Variants in ACAD9 observed in about 807,000 individuals in gnomAD.
ACAD9 encodes the protein complex I assembly factor ACAD9, mitochondrial.
In ACAD9, 53 loss-of-function variants were observed where a neutral mutation model predicts 70.2. The ratio of observed to expected loss-of-function variants is 0.75; its 90% CI spans 0.61 to 0.95. The LOEUF is 0.95. ACAD9 is among the 40% of genes least tolerant of loss of function. The pLI is 0.00. For synonymous variants in ACAD9, 313 were observed against 312.1 expected (o/e 1.00, Z -0.03); for missense variants, 777 against 802.8 (o/e 0.97, Z 0.39).
In ACAD9 at chr3:128,899,390, T is replaced by C; in HGVS notation, c.737T>C (p.Ile246Thr). 1.2e-6 allele frequency: 2 copies of C among 1,614,260 alleles called. No homozygotes were observed. Among genetic ancestry groups the C allele is most frequent in the Non-Finnish European group, 1.7e-6 (2 of 1,180,050 alleles). The change falls in exon 7 of 18, where the codon ATA (isoleucine) becomes ACA (threonine). Residue 246 changes from isoleucine to threonine, a missense_variant. By Grantham distance (89) the Ile-to-Thr change is moderately conservative (BLOSUM62 -1). Coordinates refer to ENST00000308982, the MANE Select transcript of ACAD9 (RefSeq NM_014049.5). ...GSVKDKITAF[I>T]VERDFGGVTN... is the part of the protein sequence containing the mutation. ...GTGAAAGACAAAATCACAGCATTCA[T>C]AGTAGAAAGAGACTTTGGTGGAGTC...
intron 1 of ACAD9, among the ~76,000 whole-genome samples, chr3:128,882,107 A>C (rs1576327636): frequency 1.9e-5 from 1 of 52,796 alleles, no homozygotes; most frequent in South Asian, 5.3e-4. Flanking sequence ...TTGAACTCCT[A>C]AGGCTCAATA....
intron 2 of ACAD9, among the ~76,000 whole-genome samples, chr3:128,886,435 G>A (rs1306171702): frequency 1.3e-5 from 2 of 151,404 alleles, no homozygotes; most frequent in African/African-American, 4.8e-5. Context: ...CAGGCCAGGC[G>A]CGGTGGCTCA....
At chr3:128,911,633 GGTTTCACCAT>G (rs1456324340) in intron 17 of ACAD9, among the ~76,000 whole-genome samples, 2 of 151,824 alleles carry the variant, frequency 1.3e-5, no homozygotes, top group African/African-American at 4.8e-5. Flanking sequence ...AAACAAACAG[GGTTTCACCAT>G]GTTGGCCAAG....
At position 128,908,324 on chromosome 3, in the gene ACAD9, C is replaced by T. The variant is rs939969662; in HGVS notation, c.1358+60C>T. The T allele has an allele frequency of 3.1e-6, 5 of 1,588,184 alleles. No individual in the cohort carries two copies. In the African/African-American group the frequency reaches 6.7e-5, roughly 21 times the overall value. On this transcript the variant is annotated intron_variant, in intron 13 of 17. Coordinates refer to ENST00000308982, the MANE Select transcript of ACAD9 (RefSeq NM_014049.5). ...CCATACCTGCCCAGCAGGGGCCAGTCCAGGGCAGTGGGAGGAAAGAGCTGC... is the reference window on the plus strand; with the variant it reads ...CCATACCTGCCCAGCAGGGGCCAGTTCAGGGCAGTGGGAGGAAAGAGCTGC...
At chr3:128,894,987 A>C (rs749560747) in intron 3 of ACAD9, among the ~76,000 whole-genome samples, 7 of 145,060 alleles carry the variant, frequency 4.8e-5, no homozygotes, top group Non-Finnish European at 8.9e-5. Context: ...AGTGATTCTC[A>C]TGCCTCAGCC....
intron 16 of ACAD9, 63 bp downstream of exon 16, chr3:128,910,212 G>GTA (rs1426617832): frequency 1.2e-5 from 19 of 1,610,738 alleles, no homozygotes; most frequent in Admixed American, 5.0e-5. Context: ...GCACTTTAAT[G>GTA]AAGTTGATTG....
chr3:128,910,367 T>A, intron 16 of ACAD9: 1 of 1,460,814 alleles, frequency 6.8e-7, no homozygotes, highest in Non-Finnish European at 9.0e-7. Flanking sequence ...CAGGGGTTCC[T>A]GATCCCAGTG....
At chr3:128,888,044 A>G (rs574058923) in intron 2 of ACAD9, among the ~76,000 whole-genome samples, 1 of 152,350 alleles carries the variant, frequency 6.6e-6, no homozygotes, top group East Asian at 1.9e-4. Context: ...CAAGAATAAA[A>G]GCACAAATAT....
At chr3:128,897,267 C>T (rs1173225721) in intron 5 of ACAD9, among the ~76,000 whole-genome samples, 3 of 151,954 alleles carry the variant, frequency 2.0e-5, no homozygotes, top group Non-Finnish European at 4.4e-5. Context: ...CATCTCACTG[C>T]AACCTCCGCC....
At position 128,893,543 on chromosome 3, in the gene ACAD9, T is replaced by G; in HGVS notation, c.245-12T>G. 6.2e-7 allele frequency: 1 copy of G among 1,600,574 alleles called. No individual in the cohort carries two copies. Among genetic ancestry groups the G allele is most frequent in the Non-Finnish European group, 8.6e-7 (1 of 1,167,692 alleles). On this transcript the variant is annotated splice_polypyrimidine_tract_variant and intron_variant, in intron 2 of 17. Transcript: ENST00000308982. ...GCTTATATTTGTTTAATCAAGATTT[T>G]CCTCTTGGCAGTGGACTCCCGAAAA...
chr3:128,881,530 C>CT (rs1258265910), intron 1 of ACAD9, among the ~76,000 whole-genome samples: 1 of 152,184 alleles, frequency 6.6e-6, no homozygotes, highest in Non-Finnish European at 1.5e-5. Flanking sequence ...AAGGGTAATT[C>CT]TTTCCTTTCT....
rs1382081519 is a variant in ACAD9, at chr3:128,910,011, G to A, written c.1564-10G>A. 3 of 1,612,996 alleles carry A rather than the reference G, an allele frequency of 1.9e-6. No individual in the cohort carries two copies. In the African/African-American group the frequency reaches 4.0e-5, roughly 22 times the overall value. ...TAGTGAGTCCCCACTTGGAGCCTCT[G>A]TGATCCCAGACCATCATGGAGGAGC... On this transcript the variant is annotated splice_polypyrimidine_tract_variant and intron_variant, in intron 15 of 17. Coordinates refer to ENST00000308982, the MANE Select transcript of ACAD9 (RefSeq NM_014049.5).
In ACAD9 at chr3:128,899,349, T is replaced by C; in HGVS notation, c.696T>C (p.Val232=). 6.2e-7 allele frequency: 1 copy of C among 1,614,284 alleles called. No individual in the cohort carries two copies. ...IFTVFAKTEV[V]DSDGSVKDKI... ...CTGTGTTTGCAAAGACTGAGGTCGT[T>C]GATTCTGATGGATCAGTGAAAGACA... The change falls in exon 7 of 18, where the codon GTT becomes GTC. Residue 232 remains valine, a synonymous_variant. Coordinates refer to ENST00000308982, the MANE Select transcript of ACAD9 (RefSeq NM_014049.5).
intron 3 of ACAD9, among the ~76,000 whole-genome samples, chr3:128,894,008 T>G (rs1935496712): frequency 6.6e-6 from 1 of 152,202 alleles, no homozygotes; most frequent in South Asian, 2.1e-4. Context: ...CGGTTCTGCC[T>G]TATTAGAGTT....
In ACAD9 at chr3:128,913,026, T is replaced by C. The variant is rs1936519872; in HGVS notation, c.*419T>C. 4.4e-6 allele frequency: 2 copies of C among 457,810 alleles called. No homozygotes were observed. Among genetic ancestry groups the C allele is most frequent in the Admixed American group, 2.3e-5 (1 of 42,662 alleles). The allele number at this position is 457,810 out of a possible 1,614,324, so 28.4% of individuals were successfully genotyped here. ...CAGCTTGAAAGCTCTGTCTGGGTCA[T>C]TCATTTAAACTAGAAGCAGAGGCAC... On this transcript the variant is annotated 3_prime_UTR_variant, in exon 18 of 18. Transcript: ENST00000308982.
chr3:128,909,740 T>C lies in ACAD9; in HGVS notation c.1564-281T>C, dbSNP rs577164574. 22 of 602,812 alleles carry C rather than the reference T, an allele frequency of 3.6e-5. No individual in the cohort carries two copies. In the South Asian group the frequency reaches 4.4e-4, roughly 12 times the overall value. The allele number at this position is 602,812 out of a possible 1,614,324, so 37.3% of individuals were successfully genotyped here. A position where few individuals can be genotyped will look rare whatever the true frequency, so the allele number is the denominator to read the frequency against. ...ACCTGATTGGTGGGGCCCTTGCTGC[T>C]GAAGGTGGCAGTAGCACAGTAAGCA... On this transcript the variant is annotated intron_variant, in intron 15 of 17. Coordinates refer to ENST00000308982, the MANE Select transcript of ACAD9 (RefSeq NM_014049.5).
Position 128,879,796 on chromosome 3 carries a change from T to A in ACAD9, c.105T>A (p.Pro35=), listed in dbSNP as rs756031841. The stretch of plus-strand genomic sequence containing the variant: ...GGCGGCTACTGCGCACCAGCCCGCC[T>A]GTACGAGCTTTCGCCAAAGAGCTTT... The part of the protein sequence containing the change: ...ANRRLLRTSP[P]VRAFAKELFL... The change falls in exon 1 of 18, where the codon CCT becomes CCA. Residue 35 remains proline (P), a synonymous_variant. Coordinates refer to ENST00000308982, the MANE Select transcript of ACAD9 (RefSeq NM_014049.5). The A allele has an allele frequency of 6.2e-7, 1 of 1,614,042 alleles. No individual in the cohort carries two copies. Among genetic ancestry groups the A allele is most frequent in the East Asian group, 2.2e-5 (1 of 44,878 alleles).
intron 12 of ACAD9, among the ~76,000 whole-genome samples, chr3:128,907,854 C>A (rs1040872354): frequency 3.9e-5 from 6 of 152,244 alleles, no homozygotes; most frequent in Non-Finnish European, 8.8e-5. Flanking sequence ...ACTGGCTGAG[C>A]CCCAGGCATC....
At chr3:128,885,992 G>C (rs958954536) in intron 2 of ACAD9, among the ~76,000 whole-genome samples, 1 of 147,880 alleles carries the variant, frequency 6.8e-6, no homozygotes, top group African/African-American at 2.5e-5. Flanking sequence ...ACTCCAGCCT[G>C]GGTGACAGAG....
Sources: gnomAD v4.1 joint callset for allele counts (sites outside exome capture counted in the v4.1 genomes callset) on GRCh38, gnomAD v4.1.1 for gene constraint, MANE v1.5 for transcripts, NCBI Gene and HGNC (gene_info 2026-07-23, HGNC 2026-07-21) for gene names.